The following LRRC4C variants were observed in gnomAD, a reference collection of about 807,000 sequenced individuals.
LRRC4C encodes leucine-rich repeat-containing protein 4C.
LRRC4C carries 5 observed loss-of-function variants against 33.6 expected under a neutral mutation model. The observed-to-expected ratio is 0.15, with a 90% CI of 0.08 to 0.31. LRRC4C has a LOEUF of 0.31. Among genes scored for constraint, LRRC4C ranks in the 10% least tolerant of loss-of-function variants. The pLI is 1.00. For synonymous variants in LRRC4C, 329 were observed against 302.0 expected, an observed-to-expected ratio of 1.09 and a Z score of -0.93; for missense variants, 560 against 796.7, an observed-to-expected ratio of 0.70 and a Z score of 3.58.
At chr11:40,342,807 A>G (rs777927463) in intron 3 of LRRC4C, among the ~76,000 whole-genome samples, 6 of 152,080 alleles carry the variant, frequency 3.9e-5, no homozygotes, top group Admixed American at 1.3e-4. Flanking sequence ...CTACTACCCC[A>G]TATATACTAC....
At chr11:40,540,700 A>T (rs1481623056) in intron 3 of LRRC4C, among the ~76,000 whole-genome samples, 1 of 152,134 alleles carries the variant, frequency 6.6e-6, no homozygotes, top group East Asian at 1.9e-4. Flanking sequence ...TTTCTTGTTC[A>T]TCTAGTACCC....
intron 3 of LRRC4C, among the ~76,000 whole-genome samples, chr11:40,463,345 G>GTGTGTGTGTGT: frequency 7.9e-6 from 1 of 127,210 alleles, no homozygotes; most frequent in East Asian, 2.7e-4. Context: ...TGTGTGTGTG[G>GTGTGTGTGTGT]TTAAAAGAAC....
At chr11:41,204,717 GC>G (rs1165881117) in intron 1 of LRRC4C, among the ~76,000 whole-genome samples, 1 of 150,854 alleles carries the variant, frequency 6.6e-6, no homozygotes, top group Non-Finnish European at 1.5e-5. Context: ...TTTCCTTTTT[GC>G]CTTTCTTTCT....
At chr11:40,817,605 T>G (rs1410206760) in intron 2 of LRRC4C, among the ~76,000 whole-genome samples, 2 of 152,124 alleles carry the variant, frequency 1.3e-5, no homozygotes, top group East Asian at 1.9e-4. Context: ...AAATTTTGCT[T>G]CTTCTCCTGC....
intron 3 of LRRC4C, among the ~76,000 whole-genome samples, chr11:40,574,830 C>A (rs1274040064): frequency 6.6e-6 from 1 of 152,156 alleles, no homozygotes; most frequent in Non-Finnish European, 1.5e-5. Context: ...CCTCCCAGGA[C>A]CTTACAAAGA....
intron 2 of LRRC4C, among the ~76,000 whole-genome samples, chr11:40,924,122 G>GTATA (rs1555003536): frequency 7.2e-4 from 104 of 145,312 alleles, no homozygotes; most frequent in South Asian, 2.4e-3. Flanking sequence ...GTGTGTGTGT[G>GTATA]TATATATATA....
At chr11:40,141,690 A>C (rs2134982475) in intron 5 of LRRC4C, among the ~76,000 whole-genome samples, 1 of 152,282 alleles carries the variant, frequency 6.6e-6, no homozygotes, top group Admixed American at 6.5e-5. Flanking sequence ...TATGGAGAGA[A>C]CAACAGGGAG....
At chr11:40,437,492 C>T (rs1590733051) in intron 3 of LRRC4C, among the ~76,000 whole-genome samples, 1 of 151,302 alleles carries the variant, frequency 6.6e-6, no homozygotes, top group South Asian at 2.1e-4. Context: ...CCGCCATGTT[C>T]CAGCGATTTT....
chr11:40,775,182 G>A (rs1010880617), intron 2 of LRRC4C, among the ~76,000 whole-genome samples: 3 of 152,004 alleles, frequency 2.0e-5, no homozygotes, highest in African/African-American at 7.3e-5. Flanking sequence ...AGGCCGAGGT[G>A]GATGGATCAT....
chr11:41,426,194 T>G (rs1955036405), intron 1 of LRRC4C: 1 of 152,186 alleles, frequency 6.6e-6, no homozygotes, highest in African/African-American at 2.4e-5. Flanking sequence ...AGTGACATCT[T>G]CCCAGATCTC....
intron 1 of LRRC4C, among the ~76,000 whole-genome samples, chr11:41,291,613 T>C (rs962701267): frequency 3.9e-5 from 6 of 152,108 alleles, no homozygotes; most frequent in Non-Finnish European, 8.8e-5. Flanking sequence ...TCAACATACA[T>C]ACTGGAAGAA....
chr11:40,940,226 A>T (rs929019865), intron 1 of LRRC4C, among the ~76,000 whole-genome samples: 1 of 152,108 alleles, frequency 6.6e-6, no homozygotes, highest in Non-Finnish European at 1.5e-5. Context: ...TTGTTGTGAG[A>T]ATTAAATTTT....
intron 1 of LRRC4C, among the ~76,000 whole-genome samples, chr11:41,398,169 C>A (rs567557316): frequency 6.6e-5 from 10 of 152,052 alleles, no homozygotes; most frequent in African/African-American, 2.4e-4. Context: ...ACAAATGCCC[C>A]ACTTTCCCTC....
intron 5 of LRRC4C, among the ~76,000 whole-genome samples, chr11:40,238,177 C>A (rs1470817): frequency 0.74 from 113,003 of 152,060 alleles, 46,033 homozygotes; most frequent in East Asian, 0.95. Context: ...CTGCAAATCA[C>A]TTCTTGTCTC....
At chr11:40,871,368 G>A (rs1196901398) in intron 2 of LRRC4C, among the ~76,000 whole-genome samples, 2 of 151,844 alleles carry the variant, frequency 1.3e-5, no homozygotes, top group Non-Finnish European at 2.9e-5. Flanking sequence ...CGGCTCAGGG[G>A]GCATCACAGA....
chr11:41,249,802 T>G (rs930519248), intron 1 of LRRC4C, among the ~76,000 whole-genome samples: 1 of 152,194 alleles, frequency 6.6e-6, no homozygotes, highest in Non-Finnish European at 1.5e-5. Context: ...TTCTGCTTCA[T>G]TTTTCTTTGT....
At chr11:40,837,102 T>C (rs575001197) in intron 2 of LRRC4C, among the ~76,000 whole-genome samples, 1 of 152,188 alleles carries the variant, frequency 6.6e-6, no homozygotes, top group African/African-American at 2.4e-5. Context: ...TTTACTGTTA[T>C]TGTACATTTA....
intron 2 of LRRC4C, among the ~76,000 whole-genome samples, chr11:40,902,517 A>AATT (rs1425272883): frequency 1.3e-5 from 2 of 152,150 alleles, no homozygotes; most frequent in Non-Finnish European, 2.9e-5. Context: ...CAAAGCTAGA[A>AATT]ATGATAAAGT....
chr11:41,084,980 C>A (rs772391246), intron 1 of LRRC4C, among the ~76,000 whole-genome samples: 1 of 152,158 alleles, frequency 6.6e-6, no homozygotes, highest in East Asian at 1.9e-4. Context: ...AGTAAGCATG[C>A]TTAGCATATA....
Sources: allele counts gnomAD v4.1 joint callset (sites outside exome capture counted in the v4.1 genomes callset), GRCh38; gene constraint gnomAD v4.1.1; transcripts MANE v1.5; gene names NCBI Gene and HGNC (gene_info 2026-07-23, HGNC 2026-07-21).